HIPK2: variants seen among roughly 807,000 people sequenced by gnomAD.
HIPK2 encodes the protein homeodomain interacting protein kinase 2.
HIPK2 carries 27 observed loss-of-function variants against 113.7 expected under a neutral mutation model. That is an observed-to-expected ratio of 0.24 (90% CI 0.17 to 0.33). The LOEUF (loss-of-function observed/expected upper bound fraction) is 0.33. Among genes scored for constraint, HIPK2 ranks in the 10% least tolerant of loss-of-function variants. HIPK2 has a pLI of 1.00. For synonymous variants in HIPK2, 631 were observed against 642.2 expected (o/e 0.98, Z 0.26); for missense variants, 1,257 against 1,588.0 (o/e 0.79, Z 3.54).
At chr7:139,749,640 T>C (rs1347581175) in intron 1 of HIPK2, among the ~76,000 whole-genome samples, 2 of 152,230 alleles carry the variant, frequency 1.3e-5, no homozygotes, top group African/African-American at 4.8e-5. Context: ...AAGACGCCGC[T>C]ATTATCCTCG....
At chr7:139,705,690 A>C (rs1794872298) in intron 2 of HIPK2, among the ~76,000 whole-genome samples, 1 of 152,136 alleles carries the variant, frequency 6.6e-6, no homozygotes, top group African/African-American at 2.4e-5. Context: ...AAAAAAGAAC[A>C]ATAAGCCTCA....
At chr7:139,621,924 G>GAAA (rs765904905) in intron 6 of HIPK2, among the ~76,000 whole-genome samples, 3,211 of 83,860 alleles carry the variant, frequency 0.038, 62 homozygotes, top group African/African-American at 0.095. Flanking sequence ...CCCTGTCTCA[G>GAAA]GAAAAAAAAA....
At chr7:139,654,226 T>C (rs1434298706) in intron 2 of HIPK2, among the ~76,000 whole-genome samples, 3 of 152,118 alleles carry the variant, frequency 2.0e-5, no homozygotes, top group Non-Finnish European at 4.4e-5. Context: ...AAACACATAT[T>C]TGAGGTTAGG....
At chr7:139,673,810 GGGTGA>G (rs1802391214) in intron 2 of HIPK2, among the ~76,000 whole-genome samples, 1 of 149,242 alleles carries the variant, frequency 6.7e-6, no homozygotes, top group African/African-American at 2.5e-5. Flanking sequence ...CACTTTGGGA[GGGTGA>G]GCCAGGTGGA....
At chr7:139,651,712 T>TAAAC (rs931095112) in intron 2 of HIPK2, among the ~76,000 whole-genome samples, 72 of 152,306 alleles carry the variant, frequency 4.7e-4, no homozygotes, top group African/African-American at 1.1e-3. Context: ...TTTCTTTTAT[T>TAAAC]AAACAAACAA....
chr7:139,730,841 G>A (rs994554866), intron 1 of HIPK2, among the ~76,000 whole-genome samples: 1 of 152,180 alleles, frequency 6.6e-6, no homozygotes, highest in African/African-American at 2.4e-5. Flanking sequence ...TATGACTGGT[G>A]TCCTTGTAAG....
intron 8 of HIPK2, 69 bp downstream of exon 8, chr7:139,614,217 T>C (rs977247866): frequency 9.5e-6 from 12 of 1,268,248 alleles, no homozygotes; most frequent in Non-Finnish European, 1.2e-5. Context: ...GACAGAAAAC[T>C]GCAGGTGCCG....
At position 139,626,663 on chromosome 7, in the gene HIPK2, G is replaced by A. The variant is rs55646800; in HGVS notation, c.1557C>T (p.Ile519=). The A allele has an allele frequency of 5.7e-4, 926 of 1,613,966 alleles. 15 individuals are homozygous for A. In the East Asian group the frequency reaches 0.02, roughly 34 times the overall value. ...TIDADKRITP[I]ETLNHPFVTM... ...TGACAAAGGGATGGTTCAGGGTTTC[G>A]ATTGGAGTGATTCTCTTGTCAGCAT... is the stretch of plus-strand genomic sequence containing the variant. The change falls in exon 6 of 15, where the codon ATC becomes ATT. Residue 519 remains isoleucine, a synonymous_variant. Transcript: ENST00000406875.
intron 1 of HIPK2, among the ~76,000 whole-genome samples, chr7:139,772,256 C>A (rs1222493347): frequency 6.6e-6 from 1 of 152,220 alleles, no homozygotes. Flanking sequence ...ACCTGGAATA[C>A]AAGGTCTCAG....
intron 2 of HIPK2, among the ~76,000 whole-genome samples, chr7:139,686,182 G>C (rs1478487245): frequency 6.6e-6 from 1 of 152,206 alleles, no homozygotes; most frequent in Non-Finnish European, 1.5e-5. Context: ...GACTTCAGTG[G>C]TGTAAGTCAC....
intron 1 of HIPK2, among the ~76,000 whole-genome samples, chr7:139,720,905 A>C (rs1455397844): frequency 6.6e-6 from 1 of 152,234 alleles, no homozygotes; most frequent in East Asian, 1.9e-4. Flanking sequence ...TCCACGGTGC[A>C]GAAGTGGAAT....
At position 139,573,155 on chromosome 7, in the gene HIPK2, C is replaced by G; in HGVS notation, c.3369G>C (p.Ser1123=). Residue 1123 remains serine (S), a synonymous_variant, in exon 15 of 15, where the codon TCG becomes TCC. Coordinates refer to ENST00000406875, the MANE Select transcript of HIPK2 (RefSeq NM_022740.5). ...STGTVAHLVA[S]QGSARHTVQH... ...GCACGGTGTGGCGCGCAGAGCCTTG[C>G]GAGGCCACCAGGTGGGCCACGGTGC... 1.2e-6 allele frequency: 2 copies of G among 1,610,680 alleles called. No homozygotes were observed. The highest frequency in any genetic ancestry group is 1.7e-6 in the Non-Finnish European group (2 of 1,179,296).
chr7:139,721,787 C>A (rs1795417155), intron 1 of HIPK2, among the ~76,000 whole-genome samples: 1 of 152,132 alleles, frequency 6.6e-6, no homozygotes, highest in South Asian at 2.1e-4. Context: ...GGGCAAGTTT[C>A]GAGCCCATGG....
intron 7 of HIPK2, among the ~76,000 whole-genome samples, chr7:139,619,999 G>A (rs1438954613): frequency 6.6e-6 from 1 of 152,114 alleles, no homozygotes; most frequent in Non-Finnish European, 1.5e-5. Context: ...CTGGCTTTAA[G>A]TGATCCTCCC....
chr7:139,703,058 T>A lies in HIPK2; in HGVS notation c.1103+12874A>T, dbSNP rs926550205. On this transcript the variant is annotated intron_variant, in intron 2 of 14. Coordinates refer to ENST00000406875, the MANE Select transcript of HIPK2 (RefSeq NM_022740.5). ...TCCTGTGACAGGATGAACAAACATATCTTTTTTACCCAAACACAGCACAAC... is the reference window on the plus strand; with the variant it reads ...TCCTGTGACAGGATGAACAAACATAACTTTTTTACCCAAACACAGCACAAC... 1.4e-3 allele frequency among the ~76,000 whole-genome samples: 214 copies of A among 152,230 alleles called. 1 individual carries two copies. Among genetic ancestry groups the A allele is most frequent in the Non-Finnish European group, 1.9e-3 (129 of 68,020 alleles).
chr7:139,723,673 C>CTG (rs1177723417), intron 1 of HIPK2, among the ~76,000 whole-genome samples: 1 of 152,102 alleles, frequency 6.6e-6, no homozygotes, highest in Non-Finnish European at 1.5e-5. Context: ...AATAAATTAT[C>CTG]TACTGGAAGA....
At position 139,763,509 on chromosome 7, in the gene HIPK2, G is replaced by A. The variant is rs565516162; in HGVS notation, c.19+14096C>T. Among the ~76,000 whole-genome samples the A allele has an allele frequency of 1.1e-4, 14 of 123,424 alleles. No individual in the cohort carries two copies. The Admixed American group carries it at 1.4e-3, about 13-fold the overall frequency. The allele number at this position is 123,424 out of a possible 152,430, so 81.0% of individuals were successfully genotyped here. A position where few individuals can be genotyped will look rare whatever the true frequency, so the allele number is the denominator to read the frequency against. On this transcript the variant is annotated intron_variant, in intron 1 of 14. Transcript: ENST00000406875. ...ACACGCCCCTCCCACCACGTGACTC[G>A]TGTATGTATTGTCTGTGCAGCTTTC...
At chr7:139,626,947 C>G (rs1800453981) in intron 5 of HIPK2, 162 bp from the exon 6 acceptor site, 3 of 243,628 alleles carry the variant, frequency 1.2e-5, no homozygotes, top group African/African-American at 7.0e-5. Context: ...CACATGTTGT[C>G]ATTGCCCACA....
At position 139,566,479 on chromosome 7, in the gene HIPK2, T is replaced by G. The variant is rs1798094372; in HGVS notation, c.*6448A>C. 1 of 152,144 alleles carries G rather than the reference T, an allele frequency of 6.6e-6. No individual in the cohort carries two copies. Among genetic ancestry groups the G allele is most frequent in the African/African-American group, 2.4e-5 (1 of 41,428 alleles). The allele number at this position is 152,144 out of a possible 1,614,324, so 9.4% of individuals were successfully genotyped here. A position where few individuals can be genotyped will look rare whatever the true frequency, so the allele number is the denominator to read the frequency against. ...TATCACTAAATGGTTCATAGAAATATGAGGCCACGCATTGCTATTAATTAA... is the reference window on the plus strand; with the variant it reads ...TATCACTAAATGGTTCATAGAAATAGGAGGCCACGCATTGCTATTAATTAA... On this transcript the variant is annotated 3_prime_UTR_variant, in exon 15 of 15. Coordinates refer to ENST00000406875, the MANE Select transcript of HIPK2 (RefSeq NM_022740.5). The surrounding 1 kb of genome is among the most constrained non-coding windows in gnomAD (Gnocchi z 4.1).
Sources: gnomAD v4.1 joint callset for allele counts (sites outside exome capture counted in the v4.1 genomes callset) on GRCh38, gnomAD v4.1.1 for gene constraint, Gnocchi (gnomAD v3.1) non-coding constraint, MANE v1.5 for transcripts, NCBI Gene and HGNC (gene_info 2026-07-23, HGNC 2026-07-21) for gene names.